Variants in ARB2A observed in about 807,000 individuals in gnomAD.
The protein encoded by ARB2A is ARB2 cotranscriptional regulator A, also known as cotranscriptional regulator ARB2A.
At chr5:93,755,574 C>T in the ARB2A span, among the ~76,000 whole-genome samples, 1 of 152,184 alleles carries the variant, frequency 6.6e-6, no homozygotes, top group African/African-American at 2.4e-5. Flanking sequence ...ACTGCGGAAG[C>T]GGGAAAGGGA....
chr5:93,756,200 C>T, the ARB2A span, among the ~76,000 whole-genome samples: 1 of 152,150 alleles, frequency 6.6e-6, no homozygotes, highest in Non-Finnish European at 1.5e-5. Flanking sequence ...CACTCCCATA[C>T]CCCACAGCAG....
chr5:93,802,328 G>C, the ARB2A span, among the ~76,000 whole-genome samples: 1 of 151,296 alleles, frequency 6.6e-6, no homozygotes, highest in African/African-American at 2.4e-5. Flanking sequence ...ACATAAATGG[G>C]GGCAAAAAAG....
At chr5:94,021,461 G>GA in the ARB2A span, among the ~76,000 whole-genome samples, 6 of 151,886 alleles carry the variant, frequency 4.0e-5, no homozygotes, top group East Asian at 1.9e-4. Flanking sequence ...CTAACTGATG[G>GA]AAAAAAAACT....
chr5:93,731,144 T>C, the ARB2A span, among the ~76,000 whole-genome samples: 3 of 152,116 alleles, frequency 2.0e-5, no homozygotes, highest in East Asian at 1.9e-4. Flanking sequence ...GTAGGTGTTA[T>C]TGGGTGAATT....
the ARB2A span, among the ~76,000 whole-genome samples, chr5:93,950,951 A>T: frequency 8.2e-6 from 1 of 121,428 alleles, no homozygotes; most frequent in East Asian, 2.1e-4. Context: ...CTCAAAAAAA[A>T]AAAAAAATAA....
chr5:93,942,246 G>C, the ARB2A span, among the ~76,000 whole-genome samples: 1,443 of 152,208 alleles, frequency 9.5e-3, 24 homozygotes, highest in African/African-American at 0.033. Context: ...CATGGGGCTG[G>C]GGTGGCCTCG....
At chr5:93,845,365 C>T in the ARB2A span, among the ~76,000 whole-genome samples, 1 of 152,174 alleles carries the variant, frequency 6.6e-6, no homozygotes, top group African/African-American at 2.4e-5. Flanking sequence ...ATTATTCTCC[C>T]TACCACAATA....
At chr5:94,102,765 A>G in the ARB2A span, among the ~76,000 whole-genome samples, 3 of 152,036 alleles carry the variant, frequency 2.0e-5, no homozygotes, top group Non-Finnish European at 1.5e-5. Context: ...AGGGAGCTAA[A>G]AAGAAGGGAG....
At chr5:93,669,540 T>C in the ARB2A span, among the ~76,000 whole-genome samples, 2 of 152,238 alleles carry the variant, frequency 1.3e-5, no homozygotes, top group South Asian at 2.1e-4. Flanking sequence ...ATTAACATTA[T>C]GGATTCTTAA....
the ARB2A span, among the ~76,000 whole-genome samples, chr5:93,893,947 C>T: frequency 3.3e-3 from 504 of 152,248 alleles, 6 homozygotes; most frequent in African/African-American, 0.011. Context: ...TTCTCCAAGA[C>T]TCTTACTTCT....
At chr5:93,908,516 C>A in the ARB2A span, among the ~76,000 whole-genome samples, 1 of 150,612 alleles carries the variant, frequency 6.6e-6, no homozygotes, top group Non-Finnish European at 1.5e-5. Context: ...TTAGATAATA[C>A]AATGAAGTCT....
At chr5:93,653,275 G>A in the ARB2A span, among the ~76,000 whole-genome samples, 1 of 151,474 alleles carries the variant, frequency 6.6e-6, no homozygotes, top group East Asian at 1.9e-4. Context: ...TTGGGAGGCC[G>A]AGGTGGGTGG....
the ARB2A span, among the ~76,000 whole-genome samples, chr5:94,073,616 G>A: frequency 6.6e-6 from 1 of 152,058 alleles, no homozygotes. Context: ...CATTAAGGCT[G>A]AACATGCACA....
the ARB2A span, among the ~76,000 whole-genome samples, chr5:93,964,977 C>G: frequency 1.0e-3 from 159 of 152,062 alleles, 1 homozygote; most frequent in African/African-American, 3.7e-3. Context: ...GAAAACTCAT[C>G]CAGAAAGTCA....
chr5:94,097,717 G>A, the ARB2A span, among the ~76,000 whole-genome samples: 4 of 152,014 alleles, frequency 2.6e-5, no homozygotes, highest in South Asian at 8.3e-4. Context: ...GTCTTTATCA[G>A]CAGCATGAAA....
chr5:93,933,064 C>T, the ARB2A span, among the ~76,000 whole-genome samples: 1 of 152,190 alleles, frequency 6.6e-6, no homozygotes, highest in African/African-American at 2.4e-5. Flanking sequence ...CTCATCATCA[C>T]TGGTCATTAA....
the ARB2A span, among the ~76,000 whole-genome samples, chr5:93,837,146 A>G: frequency 6.6e-6 from 1 of 152,048 alleles, no homozygotes; most frequent in Non-Finnish European, 1.5e-5. Context: ...TCCACCCTCA[A>G]GTAGGCCCTT....
the ARB2A span, among the ~76,000 whole-genome samples, chr5:94,106,380 C>A: frequency 6.6e-6 from 1 of 152,084 alleles, no homozygotes; most frequent in Non-Finnish European, 1.5e-5. Context: ...AAAAAATGCT[C>A]AACATCACTG....
At chr5:93,858,153 A>T in the ARB2A span, among the ~76,000 whole-genome samples, 4 of 152,220 alleles carry the variant, frequency 2.6e-5, no homozygotes, top group African/African-American at 9.6e-5. Flanking sequence ...TAATTGCTCC[A>T]GCAACAAATT....
Sources: allele counts gnomAD v4.1 joint callset (sites outside exome capture counted in the v4.1 genomes callset), GRCh38; gene constraint gnomAD v4.1.1; transcripts MANE v1.5; gene names NCBI Gene and HGNC (gene_info 2026-07-23, HGNC 2026-07-21).